The following ALG6 variants were observed in gnomAD, a reference collection of about 807,000 sequenced individuals.
ALG6 encodes dolichyl pyrophosphate Man9GlcNAc2 alpha-1,3-glucosyltransferase.
ALG6 carries 46 observed loss-of-function variants against 66.6 expected under a neutral mutation model. The observed-to-expected ratio is 0.69, with a 90% CI of 0.55 to 0.88. The LOEUF (loss-of-function observed/expected upper bound fraction) is 0.88. Ranked by LOEUF, ALG6 falls within the 40% of genes least tolerant of loss-of-function variation. ALG6 has a pLI of 0.00. For synonymous variants in ALG6, 185 were observed against 203.7 expected (o/e 0.91, Z 0.78); for missense variants, 505 against 586.8 (o/e 0.86, Z 1.44).
chr1:63,403,027 G>A (rs112240681), intron 4 of ALG6, among the ~76,000 whole-genome samples: 1,992 of 148,546 alleles, frequency 0.013, 56 homozygotes, highest in African/African-American at 0.046. Flanking sequence ...CCCAGGAGGT[G>A]GAGGTTGCAG....
intron 12 of ALG6, chr1:63,428,401 C>G (rs544463023): frequency 5.1e-6 from 1 of 196,218 alleles, no homozygotes; most frequent in Admixed American, 5.7e-5. Context: ...CCAAGTACTA[C>G]GAAATATGTG....
At chr1:63,427,007 A>T (rs369108520) in intron 12 of ALG6, among the ~76,000 whole-genome samples, 1 of 151,890 alleles carries the variant, frequency 6.6e-6, no homozygotes, top group Non-Finnish European at 1.5e-5. Context: ...GTCCTCTAGT[A>T]ATTTCTTTCT....
chr1:63,412,063 C>T lies in ALG6; in HGVS notation c.816+2C>T. ...CCGGTTGATCGTGGATTATTTGAGG[C>T]ATGTTTAAACACTTTCCTCTCCTTT... On this transcript the variant is annotated splice_donor_variant, in intron 9 of 14. Coordinates refer to ENST00000263440, the MANE Select transcript of ALG6 (RefSeq NM_013339.4). LOFTEE classifies it low-confidence loss of function (GC_TO_GT_DONOR). 3 of 1,614,044 alleles carry T rather than the reference C, an allele frequency of 1.9e-6. No homozygotes were observed. Among genetic ancestry groups the T allele is most frequent in the Non-Finnish European group, 2.5e-6 (3 of 1,179,952 alleles).
At chr1:63,389,178 C>G (rs2100397725) in intron 2 of ALG6, among the ~76,000 whole-genome samples, 1 of 152,250 alleles carries the variant, frequency 6.6e-6, no homozygotes, top group Non-Finnish European at 1.5e-5. Flanking sequence ...ATCTCTCTCT[C>G]TCTCTCTATT....
rs749809984 is a variant in ALG6, at chr1:63,414,085, A to G, written c.841A>G (p.Ser281Gly). The change falls in exon 10 of 15, where the codon AGC becomes GGC. Residue 281 changes from serine to glycine, a missense_variant. Coordinates refer to ENST00000263440, the MANE Select transcript of ALG6 (RefSeq NM_013339.4). ...FEDKVANIWC[S>G]FNVFLKIKDI... ...GGATAAAGTAGCCAATATTTGGTGC[A>G]GCTTCAATGTCTTTCTGAAGATTAA... 1.2e-6 allele frequency: 2 copies of G among 1,612,722 alleles called. No individual in the cohort carries two copies. Among genetic ancestry groups the G allele is most frequent in the Admixed American group, 1.7e-5 (1 of 59,980 alleles).
intron 3 of ALG6, among the ~76,000 whole-genome samples, chr1:63,398,220 G>C (rs916157869): frequency 2.6e-5 from 4 of 152,176 alleles, no homozygotes; most frequent in Non-Finnish European, 5.9e-5. Context: ...TCCCTAGTCA[G>C]AGTTTGGAGT....
intron 7 of ALG6, among the ~76,000 whole-genome samples, chr1:63,407,418 A>C (rs537032004): frequency 6.6e-6 from 1 of 152,138 alleles, no homozygotes; most frequent in African/African-American, 2.4e-5. Context: ...GTTATACTCT[A>C]GTAATTCTAA....
rs201689366 is a variant in ALG6 at position 63,378,867 on chromosome 1, T to TG, written c.82+7808_82+7809insG. Among the ~76,000 whole-genome samples, 70 of 149,588 alleles carry TG rather than the reference T, an allele frequency of 4.7e-4. 1 individual carries two copies. The East Asian group carries it at 0.012, about 25-fold the overall frequency. On this transcript the variant is annotated intron_variant, in intron 2 of 14. Transcript: ENST00000263440. The stretch of plus-strand genomic sequence containing the variant: ...TTTAGCTGTGCTTAATTTGTTTGTT[T>TG]TTTTTTTTTAACTCCCCATTGAATG...
At chr1:63,422,274 T>C (rs534239733) in intron 12 of ALG6, among the ~76,000 whole-genome samples, 1 of 39,490 alleles carries the variant, frequency 2.5e-5, no homozygotes, top group South Asian at 8.1e-4. Flanking sequence ...TATAAATATA[T>C]ATATAAATAT....
intron 14 of ALG6, among the ~76,000 whole-genome samples, chr1:63,434,505 A>G (rs1644667529): frequency 1.3e-5 from 2 of 152,252 alleles, no homozygotes; most frequent in Admixed American, 6.5e-5. Flanking sequence ...GTACCTGGAT[A>G]TATGAGTCCA....
rs1372606726 is a variant in ALG6 at position 63,437,691 on chromosome 1, A to G, written c.*671A>G. On this transcript the variant is annotated 3_prime_UTR_variant, in exon 15 of 15. Coordinates refer to ENST00000263440, the MANE Select transcript of ALG6 (RefSeq NM_013339.4). ...GCATATTTTAATACAATTAAAAATG[A>G]ATTTTCCTGAATTTAAATGTAAGCT... The G allele has an allele frequency of 2.0e-5, 3 of 152,162 alleles. No individual in the cohort carries two copies. In the East Asian group the frequency reaches 5.8e-4, roughly 29 times the overall value. 9.4% of individuals were successfully genotyped at this position (152,162 alleles called of 1,614,324 possible).
chr1:63,376,377 G>A (rs1278180611), intron 2 of ALG6, among the ~76,000 whole-genome samples: 3 of 152,170 alleles, frequency 2.0e-5, no homozygotes, highest in East Asian at 1.9e-4. Context: ...GTACATAGCC[G>A]TATTTTTCAA....
chr1:63,369,810 G>C (rs568493201), intron 1 of ALG6, among the ~76,000 whole-genome samples: 17 of 151,554 alleles, frequency 1.1e-4, no homozygotes, highest in African/African-American at 3.6e-4. Context: ...CAATTTTGTC[G>C]ATTTGCTTTT....
At chr1:63,422,078 TATAAATAA>T (rs1247325866) in intron 12 of ALG6, among the ~76,000 whole-genome samples, 1 of 132,942 alleles carries the variant, frequency 7.5e-6, no homozygotes, top group African/African-American at 2.8e-5. Context: ...TAAATATCTA[TATAAATAA>T]ATATATAAAT....
chr1:63,378,101 G>A (rs1371663239), intron 2 of ALG6, among the ~76,000 whole-genome samples: 1 of 152,020 alleles, frequency 6.6e-6, no homozygotes, highest in Non-Finnish European at 1.5e-5. Flanking sequence ...CTTACATATT[G>A]TATCTTTCTT....
intron 2 of ALG6, among the ~76,000 whole-genome samples, chr1:63,381,808 C>T (rs1338841166): frequency 6.6e-6 from 1 of 152,216 alleles, no homozygotes; most frequent in African/African-American, 2.4e-5. Context: ...ATCTGTGATT[C>T]TGCTGAGATA....
intron 5 of ALG6, 28 bp from the exon 6 acceptor site, chr1:63,406,289 G>A (rs770506489): frequency 6.3e-6 from 10 of 1,598,634 alleles, no homozygotes; most frequent in South Asian, 1.1e-5. Context: ...ATGGACTCAT[G>A]TTTAAAGTTA....
chr1:63,390,111 A>G (rs1427667498), intron 2 of ALG6, among the ~76,000 whole-genome samples: 1 of 152,178 alleles, frequency 6.6e-6, no homozygotes, highest in Non-Finnish European at 1.5e-5. Flanking sequence ...TCAAGGCCCA[A>G]GGGTTCTTCA....
chr1:63,390,542 C>G (rs989515831), intron 2 of ALG6, among the ~76,000 whole-genome samples: 9 of 152,174 alleles, frequency 5.9e-5, no homozygotes, highest in Non-Finnish European at 1.3e-4. Flanking sequence ...CCCCAGTCCA[C>G]TGCGTCTGAG....
Sources: allele counts gnomAD v4.1 joint callset (sites outside exome capture counted in the v4.1 genomes callset), GRCh38; gene constraint gnomAD v4.1.1; transcripts MANE v1.5; gene names NCBI Gene and HGNC (gene_info 2026-07-23, HGNC 2026-07-21).